The following MSR1 variants were observed in gnomAD, a reference collection of about 807,000 sequenced individuals.
The protein encoded by MSR1 is macrophage scavenger receptor 1.
In MSR1, 53 loss-of-function variants were observed where a neutral mutation model predicts 47.2. The ratio of observed to expected loss-of-function variants is 1.12; its 90% CI spans 0.90 to 1.41. The LOEUF (loss-of-function observed/expected upper bound fraction) is 1.41, where lower values mean the gene tolerates loss of function less well. MSR1 is among the 40% of genes most tolerant of loss of function. The pLI is 0.00. For synonymous variants in MSR1, 239 were observed against 185.6 expected, an observed-to-expected ratio of 1.29 and a Z score of -2.34; for missense variants, 786 against 546.9, an observed-to-expected ratio of 1.44 and a Z score of -4.36.
intron 8 of MSR1, among the ~76,000 whole-genome samples, chr8:16,123,759 CA>C (rs1404917714): frequency 6.6e-6 from 1 of 151,784 alleles, no homozygotes; most frequent in Non-Finnish European, 1.5e-5. Flanking sequence ...TAATTTAAAC[CA>C]AAACCAAAAT....
rs190953946 is a variant in MSR1 at position 16,131,997 on chromosome 8, G to C, written c.1034-11391C>G. ...TGGTTCCATATACACTTTACAATAGGGTTTTTTTTTTTTCTAATTACGTGA... is the reference window on the plus strand; with the variant it reads ...TGGTTCCATATACACTTTACAATAGCGTTTTTTTTTTTTCTAATTACGTGA... On this transcript the variant is annotated intron_variant, in intron 8 of 9. Transcript: ENST00000262101. 5.6e-4 allele frequency among the ~76,000 whole-genome samples: 82 copies of C among 146,780 alleles called. 1 individual carries two copies. The East Asian group carries it at 0.011, about 19-fold the overall frequency.
rs776124832 is a variant in MSR1, at chr8:16,143,594, CT to C, written c.996del (p.Gly333AlafsTer12). On this transcript the variant is annotated frameshift_variant, in exon 8 of 10. Transcript: ENST00000262101. LOFTEE classifies it high-confidence loss of function. ...CCACTCCCCTTTTCCCCTTTCTGGCCTTTTGGTCCAGAATTTCCTTGAGAAA... is the reference window on the plus strand; with the variant it reads ...CCACTCCCCTTTTCCCCTTTCTGGCCTTTGGTCCAGAATTTCCTTGAGAAA... ...YAGRPGNSGP[K>X]GQKGEKGSGN... 1 of 1,612,420 alleles carries C rather than the reference CT, an allele frequency of 6.2e-7. No individual in the cohort carries two copies. Among genetic ancestry groups the C allele is most frequent in the Non-Finnish European group, 8.5e-7 (1 of 1,178,994 alleles).
intron 3 of MSR1, among the ~76,000 whole-genome samples, chr8:16,172,915 T>C (rs528547013): frequency 2.6e-5 from 4 of 152,328 alleles, no homozygotes; most frequent in Non-Finnish European, 5.9e-5. Context: ...ATATATTCTG[T>C]CTACATTTGT....
At position 16,109,976 on chromosome 8, in the gene MSR1, G is replaced by A; in HGVS notation, c.*109C>T. On this transcript the variant is annotated 3_prime_UTR_variant, in exon 10 of 10. Coordinates refer to ENST00000262101, the MANE Select transcript of MSR1 (RefSeq NM_138715.3). ...ATCCTGTAATCTAAAATATTATTTG[G>A]GCAATATTCTTAATCTCTTAAATAT... 1.6e-6 allele frequency: 2 copies of A among 1,279,228 alleles called. No individual in the cohort carries two copies. The highest frequency in any genetic ancestry group is 2.2e-6 in the Non-Finnish European group (2 of 895,740). The allele number at this position is 1,279,228 out of a possible 1,614,324, so 79.2% of individuals were successfully genotyped here.
At chr8:16,187,364 C>CAAAAAAAAA (rs751848634) in intron 1 of MSR1, among the ~76,000 whole-genome samples, 11 of 35,400 alleles carry the variant, frequency 3.1e-4, no homozygotes, top group African/African-American at 4.8e-4. Flanking sequence ...ACTCTGTCTC[C>CAAAAAAAAA]AAAAAAAAAA....
At chr8:16,163,977 C>G in intron 5 of MSR1, 88 bp downstream of exon 5, 1 of 1,055,606 alleles carries the variant, frequency 9.5e-7, no homozygotes. Flanking sequence ...TTATTTCAAA[C>G]CATAGGATTT....
intron 8 of MSR1, among the ~76,000 whole-genome samples, chr8:16,142,566 C>T (rs74480975): frequency 6.6e-6 from 1 of 152,144 alleles, no homozygotes; most frequent in South Asian, 2.1e-4. Flanking sequence ...CTGGTATTCA[C>T]AACCATGCCC....
At position 16,180,520 on chromosome 8, in the gene MSR1, G is replaced by A. The variant is rs76430774; in HGVS notation, c.-4-2528C>T. Among the ~76,000 whole-genome samples, 900 of 152,252 alleles carry A rather than the reference G, an allele frequency of 5.9e-3. 13 individuals carry two copies. Among genetic ancestry groups the A allele is most frequent in the African/African-American group, 0.02 (839 of 41,554 alleles). ...GACTTCTTTTGTTGGACACAGTTCC[G>A]TTCATGTGATTGACAAATTTAGCAT... is the stretch of plus-strand genomic sequence containing the variant. On this transcript the variant is annotated intron_variant, in intron 1 of 9. Transcript: ENST00000262101.
intron 8 of MSR1, among the ~76,000 whole-genome samples, chr8:16,132,135 C>G (rs1041190585): frequency 2.0e-5 from 3 of 151,616 alleles, no homozygotes; most frequent in African/African-American, 7.3e-5. Context: ...GAATGTTTTT[C>G]TATTTTTTTG....
intron 1 of MSR1, among the ~76,000 whole-genome samples, chr8:16,188,995 TATAA>T (rs1485193633): frequency 7.1e-5 from 10 of 141,514 alleles, no homozygotes; most frequent in African/African-American, 2.4e-4. Context: ...TATATATATA[TATAA>T]AACAACATAT....
At chr8:16,161,249 AG>A (rs767349530) in intron 5 of MSR1, among the ~76,000 whole-genome samples, 5 of 151,906 alleles carry the variant, frequency 3.3e-5, no homozygotes, top group Non-Finnish European at 5.9e-5. Context: ...AGGAAGTCAA[AG>A]ACAGCTTCCA....
intron 8 of MSR1, among the ~76,000 whole-genome samples, chr8:16,134,352 C>A (rs925549959): frequency 1.3e-5 from 2 of 152,018 alleles, no homozygotes; most frequent in African/African-American, 2.4e-5. Context: ...TAGTGTTTTC[C>A]TAATACATAT....
chr8:16,126,009 C>T (rs1800120061), intron 8 of MSR1, among the ~76,000 whole-genome samples: 1 of 152,094 alleles, frequency 6.6e-6, no homozygotes, highest in East Asian at 1.9e-4. Context: ...AAGTGGTACA[C>T]ATGACTGTGT....
chr8:16,188,533 G>A (rs1006606200), intron 1 of MSR1, among the ~76,000 whole-genome samples: 12 of 151,910 alleles, frequency 7.9e-5, no homozygotes, highest in African/African-American at 2.4e-4. Flanking sequence ...TGGGATACAC[G>A]TGCAGAACGT....
intron 8 of MSR1, among the ~76,000 whole-genome samples, chr8:16,138,846 A>G (rs963936090): frequency 6.6e-6 from 1 of 152,116 alleles, no homozygotes; most frequent in Non-Finnish European, 1.5e-5. Flanking sequence ...TCTCCCTTTT[A>G]TTTCTGGAGA....
intron 9 of MSR1, among the ~76,000 whole-genome samples, chr8:16,114,581 C>G (rs1417007110): frequency 6.6e-6 from 1 of 152,120 alleles, no homozygotes; most frequent in East Asian, 1.9e-4. Flanking sequence ...GTGACTCACT[C>G]TCCTTTCCCT....
At chr8:16,133,341 G>C (rs1800309297) in intron 8 of MSR1, among the ~76,000 whole-genome samples, 1 of 152,224 alleles carries the variant, frequency 6.6e-6, no homozygotes, top group Middle Eastern at 3.4e-3. Context: ...TATTTTGAGA[G>C]TGGGAAGCTA....
intron 1 of MSR1, among the ~76,000 whole-genome samples, chr8:16,182,217 A>G (rs1046211166): frequency 6.6e-6 from 1 of 152,220 alleles, no homozygotes; most frequent in Non-Finnish European, 1.5e-5. Flanking sequence ...CAGTAAAAAT[A>G]TGGTATAAAA....
chr8:16,184,698 G>T (rs1417290058), intron 1 of MSR1, among the ~76,000 whole-genome samples: 1 of 152,120 alleles, frequency 6.6e-6, no homozygotes, highest in East Asian at 1.9e-4. Context: ...AATATTATTA[G>T]TGAGACAATA....
Sources: allele counts gnomAD v4.1 joint callset (sites outside exome capture counted in the v4.1 genomes callset), GRCh38; gene constraint gnomAD v4.1.1; transcripts MANE v1.5; gene names NCBI Gene and HGNC (gene_info 2026-07-23, HGNC 2026-07-21).